ANO10: variants seen among roughly 807,000 people sequenced by gnomAD.
ANO10 encodes anoctamin 10, also known as anoctamin-10.
Under a neutral mutation model 74.7 loss-of-function variants are expected in ANO10, and 77 were observed. The ratio of observed to expected loss-of-function variants is 1.03; its 90% CI spans 0.86 to 1.25. The LOEUF (loss-of-function observed/expected upper bound fraction) is 1.25, where lower values mean the gene tolerates loss of function less well. Ranked by LOEUF, ANO10 falls within the 50% of genes most tolerant of loss-of-function variation. The pLI is 0.00. For synonymous variants in ANO10, 279 were observed against 284.9 expected (o/e 0.98, Z 0.21); for missense variants, 721 against 778.1 (o/e 0.93, Z 0.87).
rs532368576 is a variant in ANO10 at position 43,368,639 on chromosome 3, A to T, written c.1915-1665T>A. Among the ~76,000 whole-genome samples the T allele has an allele frequency of 3.3e-5, 5 of 151,764 alleles. No homozygotes were observed. In the South Asian group the frequency reaches 1.0e-3, roughly 32 times the overall value. Reference sequence around the variant, plus strand: ...ATATTTCAGCCCAGGTTCACTGCAGACTCTTCTAGCTGTTATCATTTAATA... The same window carrying T: ...ATATTTCAGCCCAGGTTCACTGCAGTCTCTTCTAGCTGTTATCATTTAATA... On this transcript the variant is annotated intron_variant, in intron 12 of 12. Transcript: ENST00000292246.
intron 12 of ANO10, among the ~76,000 whole-genome samples, chr3:43,380,724 C>T (rs113200036): frequency 6.6e-6 from 1 of 152,078 alleles, no homozygotes; most frequent in Admixed American, 6.6e-5. Flanking sequence ...TCAAAATACA[C>T]CAAAATAGAA....
chr3:43,581,512 G>A (rs964212629), intron 4 of ANO10, among the ~76,000 whole-genome samples: 1 of 152,194 alleles, frequency 6.6e-6, no homozygotes, highest in African/African-American at 2.4e-5. Flanking sequence ...AAGAGGAAGT[G>A]TGTTCTGTAG....
At chr3:43,597,289 G>T (rs1363865907) in intron 4 of ANO10, among the ~76,000 whole-genome samples, 1 of 152,160 alleles carries the variant, frequency 6.6e-6, no homozygotes, top group Non-Finnish European at 1.5e-5. Context: ...TATAAATCAT[G>T]CTGCTATAAA....
At chr3:43,379,285 T>G (rs890301327) in intron 12 of ANO10, among the ~76,000 whole-genome samples, 2 of 152,238 alleles carry the variant, frequency 1.3e-5, no homozygotes, top group Non-Finnish European at 1.5e-5. Context: ...AGTAATTAAT[T>G]GGATAATATT....
chr3:43,679,754 T>C (rs980408205), intron 1 of ANO10, among the ~76,000 whole-genome samples: 1 of 152,160 alleles, frequency 6.6e-6, no homozygotes, highest in Non-Finnish European at 1.5e-5. Flanking sequence ...TCCAGAAGAA[T>C]GATCAGGCAG....
chr3:43,619,943 A>G (rs2083303707), intron 1 of ANO10, among the ~76,000 whole-genome samples: 1 of 152,042 alleles, frequency 6.6e-6, no homozygotes, highest in Admixed American at 6.5e-5. Flanking sequence ...AAAAACTCAT[A>G]CACATTAAAA....
At chr3:43,588,738 GCAA>G (rs2081590097) in intron 4 of ANO10, among the ~76,000 whole-genome samples, 1 of 152,030 alleles carries the variant, frequency 6.6e-6, no homozygotes. Flanking sequence ...GCTGAATTCA[GCAA>G]CAACAAAACA....
At position 43,471,278 on chromosome 3, in the gene ANO10, T is replaced by C. The variant is rs1371739379; in HGVS notation, c.1798-38551A>G. 3.3e-5 allele frequency among the ~76,000 whole-genome samples: 5 copies of C among 152,304 alleles called. No homozygotes were observed. In the East Asian group the frequency reaches 7.7e-4, roughly 24 times the overall value. On this transcript the variant is annotated intron_variant, in intron 11 of 12. Transcript: ENST00000292246. Reference sequence around the variant, plus strand: ...CAGAAACATTAGGAAAAAAATCAAGTATAAATAAAAGATTTATTTTTTCCT... The same window carrying C: ...CAGAAACATTAGGAAAAAAATCAAGCATAAATAAAAGATTTATTTTTTCCT...
chr3:43,600,753 T>G (rs2082305888), intron 2 of ANO10, among the ~76,000 whole-genome samples, 172 bp from the exon 3 acceptor site: 7 of 152,314 alleles, frequency 4.6e-5, no homozygotes, highest in Admixed American at 3.3e-4. Flanking sequence ...TGGCAGTTCT[T>G]TATAGTTTTT....
chr3:43,427,303 G>A (rs928009703), intron 12 of ANO10, among the ~76,000 whole-genome samples: 2 of 152,198 alleles, frequency 1.3e-5, no homozygotes, highest in South Asian at 2.1e-4. Context: ...GTGGGGTGGA[G>A]ACACAGGAGC....
intron 11 of ANO10, among the ~76,000 whole-genome samples, chr3:43,449,893 A>G (rs1001063430): frequency 3.3e-5 from 5 of 152,208 alleles, no homozygotes; most frequent in Non-Finnish European, 7.3e-5. Context: ...ACATCTTAAT[A>G]GAGAATCCTC....
chr3:43,546,044 T>C (rs900076337), intron 11 of ANO10, among the ~76,000 whole-genome samples: 113 of 152,208 alleles, frequency 7.4e-4, no homozygotes, highest in Non-Finnish European at 2.8e-4. Context: ...TTTAAACAGC[T>C]TGAGCTTGGT....
At chr3:43,580,725 G>A (rs2149414986) in intron 4 of ANO10, among the ~76,000 whole-genome samples, 1 of 152,178 alleles carries the variant, frequency 6.6e-6, no homozygotes, top group East Asian at 1.9e-4. Context: ...GACTATGAGA[G>A]GCCCGTTAGT....
intron 12 of ANO10, among the ~76,000 whole-genome samples, chr3:43,409,479 G>A (rs2092630090): frequency 6.6e-6 from 1 of 152,126 alleles, no homozygotes; most frequent in Admixed American, 6.5e-5. Flanking sequence ...GGGAAGCAGA[G>A]TTTGCAGTGA....
intron 12 of ANO10, among the ~76,000 whole-genome samples, chr3:43,394,741 G>T (rs914431242): frequency 6.6e-6 from 1 of 152,160 alleles, no homozygotes; most frequent in Non-Finnish European, 1.5e-5. Context: ...GGGTGGAGGG[G>T]TGGGGGTGCA....
chr3:43,420,183 C>T lies in ANO10; in HGVS notation c.1914+12428G>A, dbSNP rs144303371. ...AAAATATGCTGGGCACAGTGGCTCACGCCAGTAATCCCAACACTTTGAGAG... is the reference window on the plus strand; with the variant it reads ...AAAATATGCTGGGCACAGTGGCTCATGCCAGTAATCCCAACACTTTGAGAG... On this transcript the variant is annotated intron_variant, in intron 12 of 12. Transcript: ENST00000292246. Among the ~76,000 whole-genome samples, 757 of 152,312 alleles carry T rather than the reference C, an allele frequency of 5.0e-3. 8 individuals carry two copies. The highest frequency in any genetic ancestry group is 0.016 in the African/African-American group (653 of 41,570).
intron 1 of ANO10, chr3:43,636,358 C>T (rs954824744): frequency 1.3e-5 from 2 of 152,248 alleles, no homozygotes; most frequent in African/African-American, 2.4e-5. Context: ...GGACTCCTGC[C>T]ACCAGAACAG....
At chr3:43,402,536 TGTGG>T (rs1352100225) in intron 12 of ANO10, among the ~76,000 whole-genome samples, 2 of 152,200 alleles carry the variant, frequency 1.3e-5, no homozygotes, top group Non-Finnish European at 2.9e-5. Flanking sequence ...CCCATGTCCT[TGTGG>T]GTTACTTCCC....
chr3:43,580,319 C>T, intron 5 of ANO10, 34 bp downstream of exon 5: 1 of 1,612,960 alleles, frequency 6.2e-7, no homozygotes, highest in Non-Finnish European at 8.5e-7. Context: ...CAGAGGCCTT[C>T]CTCTTCTTTA....
Sources: gnomAD v4.1 joint callset for allele counts (sites outside exome capture counted in the v4.1 genomes callset) on GRCh38, gnomAD v4.1.1 for gene constraint, MANE v1.5 for transcripts, NCBI Gene and HGNC (gene_info 2026-07-23, HGNC 2026-07-21) for gene names.